ARMC9: variants seen among roughly 807,000 people sequenced by gnomAD.
ARMC9 encodes the protein armadillo repeat containing 9.
A neutral mutation model predicts 107.0 loss-of-function variants in ARMC9; 94 were observed. The observed-to-expected ratio is 0.88, with a 90% CI of 0.74 to 1.04. The LOEUF (loss-of-function observed/expected upper bound fraction) is 1.04, where lower values mean the gene tolerates loss of function less well. Ranked by LOEUF, ARMC9 falls within the 50% of genes least tolerant of loss-of-function variation. ARMC9 has a pLI of 0.00. For synonymous variants in ARMC9, 380 were observed against 396.9 expected, an observed-to-expected ratio of 0.96 and a Z score of 0.51; for missense variants, 942 against 1,030.1, an observed-to-expected ratio of 0.91 and a Z score of 1.17.
chr2:231,241,041 TA>T lies in ARMC9; in HGVS notation c.879+1001del, dbSNP rs1251762682. On this transcript the variant is annotated intron_variant, in intron 9 of 24. Transcript: ENST00000611582. Reference sequence around the variant, plus strand: ...GGTGAAACCCCATCTCTACTAAACATACAAAAATTAGCCAAGCGTGGTGGTG... The same window carrying T: ...GGTGAAACCCCATCTCTACTAAACATCAAAAATTAGCCAAGCGTGGTGGTG... Among the ~76,000 whole-genome samples, 20 of 151,868 alleles carry T rather than the reference TA, an allele frequency of 1.3e-4. No individual in the cohort carries two copies. The East Asian group carries it at 3.5e-3, about 26-fold the overall frequency.
In ARMC9 at chr2:231,211,158, A is replaced by C. The variant is rs548832371; in HGVS notation, c.177+2906A>C. Among the ~76,000 whole-genome samples, 663 of 143,656 alleles carry C rather than the reference A, an allele frequency of 4.6e-3. 3 individuals are homozygous for C. The highest frequency in any genetic ancestry group is 0.011 in the African/African-American group (436 of 37,980). 94.2% of individuals were successfully genotyped at this position (143,656 alleles called of 152,430 possible). On this transcript the variant is annotated intron_variant, in intron 3 of 24. Transcript: ENST00000611582. ...CACATACACACACACACACACACAC[A>C]CCCCCACAGTTTATCTGTTCTTCTG...
chr2:231,237,169 C>T (rs966743166), intron 8 of ARMC9, among the ~76,000 whole-genome samples: 36 of 101,068 alleles, frequency 3.6e-4, no homozygotes, highest in African/African-American at 1.4e-3. Flanking sequence ...CATTTCTCTG[C>T]GTATGCGTGT....
chr2:231,302,327 C>G (rs2041782504), intron 19 of ARMC9, among the ~76,000 whole-genome samples: 1 of 148,964 alleles, frequency 6.7e-6, no homozygotes, highest in African/African-American at 2.5e-5. Context: ...TATTAAATAA[C>G]TTAAAATGGC....
intron 19 of ARMC9, among the ~76,000 whole-genome samples, chr2:231,314,948 C>T (rs2042577607): frequency 6.6e-6 from 1 of 152,126 alleles, no homozygotes; most frequent in Non-Finnish European, 1.5e-5. Context: ...CAAATAACAC[C>T]TTTGTAAAAA....
At chr2:231,221,278 A>G (rs1213040619) in intron 5 of ARMC9, among the ~76,000 whole-genome samples, 1 of 152,114 alleles carries the variant, frequency 6.6e-6, no homozygotes, top group Non-Finnish European at 1.5e-5. Context: ...GTCTGTGTCT[A>G]AATTTTCTTC....
chr2:231,228,201 A>G (rs758052293), intron 7 of ARMC9, among the ~76,000 whole-genome samples: 1 of 152,218 alleles, frequency 6.6e-6, no homozygotes, highest in Admixed American at 6.5e-5. Context: ...AGCTCCTGGA[A>G]ATACACCTCA....
chr2:231,254,171 C>G (rs1321677141), intron 9 of ARMC9, among the ~76,000 whole-genome samples: 2 of 152,058 alleles, frequency 1.3e-5, no homozygotes, highest in South Asian at 4.2e-4. Flanking sequence ...AAAAATAAAG[C>G]TATGAAAATG....
intron 16 of ARMC9, among the ~76,000 whole-genome samples, chr2:231,280,827 A>G (rs140899550): frequency 1.6e-4 from 25 of 152,360 alleles, no homozygotes; most frequent in Non-Finnish European, 2.6e-4. Flanking sequence ...GGATATGACT[A>G]GACAGTTCAC....
intron 23 of ARMC9, among the ~76,000 whole-genome samples, chr2:231,363,350 G>A (rs1015076683): frequency 6.6e-6 from 1 of 152,220 alleles, no homozygotes; most frequent in African/African-American, 2.4e-5. Flanking sequence ...AGAAGAATTG[G>A]TGGATGGGCA....
At chr2:231,221,442 T>C (rs899188830) in intron 5 of ARMC9, among the ~76,000 whole-genome samples, 4 of 152,152 alleles carry the variant, frequency 2.6e-5, no homozygotes, top group Non-Finnish European at 5.9e-5. Flanking sequence ...TCAGCATGTA[T>C]TTTGAGGGAA....
chr2:231,337,119 T>G (rs1177558343), intron 20 of ARMC9, among the ~76,000 whole-genome samples: 7 of 151,544 alleles, frequency 4.6e-5, no homozygotes, highest in South Asian at 2.1e-4. Context: ...ACTTTTCGGG[T>G]TTTTTTTCAC....
rs376143688 is a variant in ARMC9, at chr2:231,348,545, C to A, written c.1994+3455C>A. On this transcript the variant is annotated intron_variant, in intron 21 of 24. Coordinates refer to ENST00000611582, the MANE Select transcript of ARMC9 (RefSeq NM_001352754.2). ...CTGGGCAAATATTTCTTGAGTAATACCTGACAAGCACAGGCAACCAAAGCA... is the reference window on the plus strand; with the variant it reads ...CTGGGCAAATATTTCTTGAGTAATAACTGACAAGCACAGGCAACCAAAGCA... Among the ~76,000 whole-genome samples the A allele has an allele frequency of 2.2e-4, 33 of 152,252 alleles. No homozygotes were observed. The South Asian group carries it at 4.4e-3, about 20-fold the overall frequency.
intron 5 of ARMC9, among the ~76,000 whole-genome samples, chr2:231,218,276 G>T (rs1379949417): frequency 6.6e-6 from 1 of 152,056 alleles, no homozygotes; most frequent in African/African-American, 2.4e-5. Flanking sequence ...CTCCCAGAAG[G>T]TTGAAGAAAA....
At chr2:231,311,770 CAAAAAAA>C (rs56713732) in intron 19 of ARMC9, among the ~76,000 whole-genome samples, 1 of 60,638 alleles carries the variant, frequency 1.6e-5, no homozygotes. Context: ...ACTCCATCGC[CAAAAAAA>C]AAAAAAAAAA....
At chr2:231,321,896 C>T (rs1368808276) in intron 19 of ARMC9, among the ~76,000 whole-genome samples, 1 of 152,136 alleles carries the variant, frequency 6.6e-6, no homozygotes, top group Non-Finnish European at 1.5e-5. Flanking sequence ...TTAAATATTG[C>T]GATAAGCCCT....
chr2:231,199,955 C>T (rs553942050), intron 1 of ARMC9, among the ~76,000 whole-genome samples: 8 of 152,170 alleles, frequency 5.3e-5, no homozygotes, highest in Non-Finnish European at 1.2e-4. Flanking sequence ...GCCTCAGCCT[C>T]CCAAAGTGTT....
chr2:231,334,826 G>A (rs1324633867), intron 20 of ARMC9, among the ~76,000 whole-genome samples: 1 of 152,092 alleles, frequency 6.6e-6, no homozygotes, highest in African/African-American at 2.4e-5. Context: ...ACCTTGTCAT[G>A]CCCTTGCTCT....
chr2:231,302,337 C>T (rs539895580), intron 19 of ARMC9, among the ~76,000 whole-genome samples: 14 of 145,790 alleles, frequency 9.6e-5, no homozygotes, highest in African/African-American at 3.3e-4. Context: ...CTTAAAATGG[C>T]AATAGTAAAT....
At chr2:231,243,062 T>A (rs978909415) in intron 9 of ARMC9, among the ~76,000 whole-genome samples, 4 of 152,042 alleles carry the variant, frequency 2.6e-5, no homozygotes. Context: ...CTGGCTAACA[T>A]GGTGAAACCC....
Sources: allele counts gnomAD v4.1 joint callset (sites outside exome capture counted in the v4.1 genomes callset), GRCh38; gene constraint gnomAD v4.1.1; transcripts MANE v1.5; gene names NCBI Gene and HGNC (gene_info 2026-07-23, HGNC 2026-07-21).